Variants in ZNF345 observed in about 807,000 individuals in gnomAD.
ZNF345 encodes zinc finger protein HZF10.
For missense variants in ZNF345, 527 were observed against 589.9 expected (o/e 0.89, Z 1.10); for synonymous variants, 166 against 187.9 (o/e 0.88, Z 0.95).
At position 36,876,970 on chromosome 19, in the gene ZNF345, C is replaced by G. The variant is rs772269596; in HGVS notation, c.140C>G (p.Thr47Ser). 4.8e-5 allele frequency: 78 copies of G among 1,614,038 alleles called. No individual in the cohort carries two copies. The highest frequency in any genetic ancestry group is 6.3e-5 in the Non-Finnish European group (74 of 1,180,032). ...EMIFTPEDMP[T>S]FSIQHQRIHT... ...ATATTTACTCCTGAAGACATGCCCA[C>G]TTTCAGTATCCAGCATCAGAGAATT... Residue 47 changes from threonine (T) to serine (S), a missense_variant, in exon 3 of 3, where the codon ACT (threonine) becomes AGT (serine). Transcript: ENST00000420450.
At position 36,868,735 on chromosome 19, in the gene ZNF345, C is replaced by T. The variant is rs137970058; in HGVS notation, c.-46-8050C>T. ...CCGCTTCCTGGGTTCTAACAATTCT[C>T]CTGCCTCAGGCTCCCGAGTAGCTGG... On this transcript the variant is annotated intron_variant, in intron 2 of 2. Transcript: ENST00000420450. 4.1e-4 allele frequency among the ~76,000 whole-genome samples: 61 copies of T among 150,586 alleles called. 1 individual carries two copies. The East Asian group carries it at 8.9e-3, about 22-fold the overall frequency.
chr19:36,877,166 T>C lies in ZNF345; in HGVS notation c.336T>C (p.His112=), dbSNP rs61735213. The change falls in exon 3 of 3, where the codon CAT becomes CAC. Residue 112 remains histidine, a synonymous_variant. Transcript: ENST00000420450. ...ACCTTGCTTACCATCAAAGAATTCA[T>C]ACTGGTGAGAAGCCTTTTGAATGTA... ...GANLAYHQRI[H]TGEKPFECKE... is the part of the protein sequence containing the mutation. The C allele has an allele frequency of 5.4e-4, 865 of 1,614,136 alleles. 4 individuals are homozygous for C. The African/African-American group carries it at 1.0e-2, about 19-fold the overall frequency.
intron 3 of ZNF345, among the ~76,000 whole-genome samples, chr19:36,886,574 G>A (rs780193784): frequency 2.0e-5 from 3 of 152,194 alleles, no homozygotes; most frequent in Admixed American, 6.5e-5. Flanking sequence ...GGCCAGGCCC[G>A]CTGGCTCATG....
intron 2 of ZNF345, among the ~76,000 whole-genome samples, chr19:36,858,485 G>A (rs567831548): frequency 6.6e-6 from 1 of 152,270 alleles, no homozygotes; most frequent in African/African-American, 2.4e-5. Context: ...TACCCAAGAG[G>A]CAGGGTGCAG....
intron 2 of ZNF345, 37 bp from the exon 3 acceptor site, chr19:36,876,748 C>CA: frequency 2.9e-6 from 4 of 1,395,914 alleles, no homozygotes; most frequent in Middle Eastern, 2.3e-4. Context: ...TCCCAGAACA[C>CA]AAAAAAGTGA....
Position 36,877,255 on chromosome 19 carries a change from G to A in ZNF345, c.425G>A (p.Gly142Asp). The change falls in exon 3 of 3, where the codon GGT (glycine) becomes GAT (aspartate). Residue 142 changes from glycine to aspartate, a missense_variant. Transcript: ENST00000420450. ...ACTCACCATCAGAGAATTCATACTG[G>A]TGAGAAACCCTATGAGTGTAAGGAA... is the stretch of plus-strand genomic sequence containing the variant. ...NLTHHQRIHT[G>D]EKPYECKECG... 1 of 1,614,092 alleles carries A rather than the reference G, an allele frequency of 6.2e-7. No homozygotes were observed. The highest frequency in any genetic ancestry group is 8.5e-7 in the Non-Finnish European group (1 of 1,180,004).
intron 2 of ZNF345, among the ~76,000 whole-genome samples, chr19:36,868,570 A>G (rs1206852048): frequency 6.6e-6 from 1 of 151,130 alleles, no homozygotes; most frequent in Non-Finnish European, 1.5e-5. Flanking sequence ...TTCAATACAC[A>G]TTACAGTTCC....
intron 3 of ZNF345, chr19:36,888,901 T>G (rs1215302018): frequency 6.6e-6 from 1 of 152,292 alleles, no homozygotes; most frequent in Admixed American, 6.6e-5. Flanking sequence ...GCCTCCCAAG[T>G]AGCTGGGACT....
At position 36,870,431 on chromosome 19, in the gene ZNF345, A is replaced by G. The variant is rs115243871; in HGVS notation, c.-46-6354A>G. Reference sequence around the variant, plus strand: ...TGTACCACTATTACTCTAGAATTCTATCTTTTTAAATTCACTGCCCTTCTG... The same window carrying G: ...TGTACCACTATTACTCTAGAATTCTGTCTTTTTAAATTCACTGCCCTTCTG... On this transcript the variant is annotated intron_variant, in intron 2 of 2. Coordinates refer to ENST00000420450, the MANE Select transcript of ZNF345 (RefSeq NM_001242472.2). 4.0e-3 allele frequency among the ~76,000 whole-genome samples: 604 copies of G among 152,132 alleles called. 5 individuals carry two copies. Among genetic ancestry groups the G allele is most frequent in the African/African-American group, 0.014 (575 of 41,498 alleles).
intron 2 of ZNF345, among the ~76,000 whole-genome samples, chr19:36,871,007 T>G (rs2146186229): frequency 6.6e-6 from 1 of 152,336 alleles, no homozygotes; most frequent in Admixed American, 6.5e-5. Flanking sequence ...TTTGGGCCAC[T>G]GTAACAAAGT....
intron 2 of ZNF345, among the ~76,000 whole-genome samples, chr19:36,855,427 C>T (rs1355106033): frequency 2.9e-5 from 4 of 139,350 alleles, no homozygotes; most frequent in Admixed American, 2.3e-4. Flanking sequence ...GGATTACAGG[C>T]GTGAGCCACC....
At chr19:36,853,251 T>C (rs1349029635) in intron 2 of ZNF345, among the ~76,000 whole-genome samples, 2 of 148,126 alleles carry the variant, frequency 1.4e-5, no homozygotes, top group South Asian at 2.1e-4. Context: ...CTTTCTTTTT[T>C]TTTTTTTTTT....
downstream of ZNF345, among the ~76,000 whole-genome samples, chr19:36,884,262 T>G (rs2072984569): frequency 6.6e-6 from 1 of 152,140 alleles, no homozygotes; most frequent in Non-Finnish European, 1.5e-5. Flanking sequence ...AGACGAGGTT[T>G]CACCATGTTG....
At chr19:36,870,822 A>G (rs1227544681) in intron 2 of ZNF345, among the ~76,000 whole-genome samples, 2 of 152,046 alleles carry the variant, frequency 1.3e-5, no homozygotes, top group Non-Finnish European at 2.9e-5. Flanking sequence ...TTTTTTTTAT[A>G]CTACATACCA....
chr19:36,881,165 G>C (rs1384586923), downstream of ZNF345, among the ~76,000 whole-genome samples: 2 of 152,188 alleles, frequency 1.3e-5, no homozygotes, highest in African/African-American at 4.8e-5. Context: ...GGTTGAGCAT[G>C]CTTAATTTGA....
chr19:36,852,388 G>T (rs1158113040), intron 2 of ZNF345, among the ~76,000 whole-genome samples: 1 of 151,856 alleles, frequency 6.6e-6, no homozygotes. Flanking sequence ...CAAGGCGGGC[G>T]GATCACGAGG....
chr19:36,863,492 T>C (rs2072597587), intron 2 of ZNF345, among the ~76,000 whole-genome samples: 1 of 152,204 alleles, frequency 6.6e-6, no homozygotes, highest in Non-Finnish European at 1.5e-5. Context: ...TTCATCTGGG[T>C]CCCATCCGTA....
intron 2 of ZNF345, among the ~76,000 whole-genome samples, chr19:36,852,852 G>C (rs958055755): frequency 2.6e-5 from 4 of 151,072 alleles, no homozygotes; most frequent in African/African-American, 9.7e-5. Flanking sequence ...TTGGCCATTT[G>C]AATGTCCCCT....
chr19:36,866,741 G>A (rs2072668333), intron 2 of ZNF345, among the ~76,000 whole-genome samples: 1 of 152,094 alleles, frequency 6.6e-6, no homozygotes, highest in African/African-American at 2.4e-5. Flanking sequence ...AGTAGAGACG[G>A]GGTTTCACTG....
Sources: gnomAD v4.1 joint callset for allele counts (sites outside exome capture counted in the v4.1 genomes callset) on GRCh38, gnomAD v4.1.1 for gene constraint, MANE v1.5 for transcripts, NCBI Gene and HGNC (gene_info 2026-07-23, HGNC 2026-07-21) for gene names.